Variants in FAR2 observed in about 807,000 individuals in gnomAD.
The protein encoded by FAR2 is fatty acyl-CoA reductase 2, also known as epididymis secretory protein Li 81.
FAR2 carries 19 observed loss-of-function variants against 56.0 expected under a neutral mutation model. The observed-to-expected ratio is 0.34, with a 90% CI of 0.24 to 0.50. FAR2 has a LOEUF of 0.50. Among genes scored for constraint, FAR2 ranks in the 20% least tolerant of loss-of-function variants. FAR2 has a pLI of 0.98. For missense variants in FAR2, 508 were observed against 642.2 expected (o/e 0.79, Z 2.26); for synonymous variants, 219 against 218.8 (o/e 1.00, Z -0.01).
chr12:29,170,369 T>G (rs1366564926), intron 1 of FAR2, among the ~76,000 whole-genome samples: 1 of 152,238 alleles, frequency 6.6e-6, no homozygotes, highest in Non-Finnish European at 1.5e-5. Flanking sequence ...TAAGGATTTT[T>G]GTTAGGAAGG....
At chr12:29,316,380 G>A (rs897666736) in intron 8 of FAR2, among the ~76,000 whole-genome samples, 7 of 152,170 alleles carry the variant, frequency 4.6e-5, no homozygotes, top group Non-Finnish European at 1.0e-4. Context: ...ATCTTGCCTT[G>A]AGAATCTTTA....
chr12:29,301,308 C>G (rs1949160935), intron 4 of FAR2, among the ~76,000 whole-genome samples: 1 of 152,138 alleles, frequency 6.6e-6, no homozygotes, highest in South Asian at 2.1e-4. Flanking sequence ...GCCCCTCATC[C>G]CAGCCACCGG....
chr12:29,258,416 AT>A (rs1313326661), intron 1 of FAR2, among the ~76,000 whole-genome samples: 2 of 152,104 alleles, frequency 1.3e-5, no homozygotes, highest in African/African-American at 2.4e-5. Flanking sequence ...ATATGTATAA[AT>A]TTTTTTCATT....
Position 29,203,339 on chromosome 12 carries a change from A to G in FAR2, c.-39+53932A>G, listed in dbSNP as rs140802445. On this transcript the variant is annotated intron_variant, in intron 1 of 11. Transcript: ENST00000536681. ...ACTGCTTTGCATTTATCGTTTTTGC[A>G]GGAAAGCGATTTATGCTGCACACCT... Among the ~76,000 whole-genome samples, 531 of 152,324 alleles carry G rather than the reference A, an allele frequency of 3.5e-3. 1 individual carries two copies. Among genetic ancestry groups the G allele is most frequent in the Non-Finnish European group, 6.1e-3 (414 of 68,020 alleles).
intron 6 of FAR2, among the ~76,000 whole-genome samples, chr12:29,310,630 A>G (rs925274770): frequency 6.6e-6 from 1 of 152,204 alleles, no homozygotes; most frequent in African/African-American, 2.4e-5. Flanking sequence ...CAAAATCATC[A>G]AGGAAATGGT....
At chr12:29,173,078 G>A (rs1949903816) in intron 1 of FAR2, among the ~76,000 whole-genome samples, 1 of 152,226 alleles carries the variant, frequency 6.6e-6, no homozygotes, top group Non-Finnish European at 1.5e-5. Flanking sequence ...ACAGTAGCAT[G>A]ACTTCTCTCC....
In FAR2 at chr12:29,220,772, G is replaced by A. The variant is rs576845576; in HGVS notation, c.-38-49640G>A. 1.1e-4 allele frequency among the ~76,000 whole-genome samples: 17 copies of A among 152,236 alleles called. No homozygotes were observed. In the South Asian group the frequency reaches 3.3e-3, roughly 30 times the overall value. On this transcript the variant is annotated intron_variant, in intron 1 of 11. Transcript: ENST00000536681. ...TTGACCAAGGGACAAAAGGCACAGT[G>A]AGAGTCCGAGGCAAGAGTGAACGTT...
intron 9 of FAR2, among the ~76,000 whole-genome samples, chr12:29,320,077 A>T (rs992089453): frequency 1.3e-4 from 20 of 152,254 alleles, no homozygotes; most frequent in African/African-American, 4.8e-4. Flanking sequence ...GCATGGTGGC[A>T]TGTGCCTGTA....
At chr12:29,291,647 T>G (rs7138160) in intron 2 of FAR2, among the ~76,000 whole-genome samples, 4,831 of 152,332 alleles carry the variant, frequency 0.032, 102 homozygotes, top group East Asian at 0.072. Context: ...TACATTTTAA[T>G]TATGCTACTA....
chr12:29,241,784 G>A lies in FAR2; in HGVS notation c.-38-28628G>A, dbSNP rs145229720. On this transcript the variant is annotated intron_variant, in intron 1 of 11. Transcript: ENST00000536681. The stretch of plus-strand genomic sequence containing the variant: ...AGCAGCAGGACTTGGGTTGCTTGCC[G>A]TTTTTCCTGCTTTTCATTTCCGAGG... 2.0e-3 allele frequency among the ~76,000 whole-genome samples: 311 copies of A among 152,320 alleles called. 3 individuals are homozygous for A. The highest frequency in any genetic ancestry group is 7.2e-3 in the African/African-American group (301 of 41,570).
chr12:29,193,434 G>A (rs1311332820), intron 1 of FAR2, among the ~76,000 whole-genome samples: 1 of 152,070 alleles, frequency 6.6e-6, no homozygotes, highest in Non-Finnish European at 1.5e-5. Flanking sequence ...AGCAACCACT[G>A]ATCATTTTTA....
intron 1 of FAR2, among the ~76,000 whole-genome samples, chr12:29,223,017 T>A (rs1279300989): frequency 1.3e-5 from 2 of 152,180 alleles, no homozygotes; most frequent in African/African-American, 4.8e-5. Context: ...ATTTGTAGTA[T>A]TTATATTGTG....
chr12:29,251,486 G>T (rs1239034602), intron 1 of FAR2, among the ~76,000 whole-genome samples: 1 of 152,148 alleles, frequency 6.6e-6, no homozygotes. Flanking sequence ...CCTCCACTCA[G>T]AATAGGAGGT....
intron 2 of FAR2, 196 bp from the exon 3 acceptor site, chr12:29,293,104 T>C (rs1948999523): frequency 2.4e-6 from 1 of 414,820 alleles, no homozygotes; most frequent in Non-Finnish European, 4.3e-6. Flanking sequence ...TGGGCTCAAG[T>C]GATCTCCCTG....
intron 1 of FAR2, among the ~76,000 whole-genome samples, chr12:29,155,262 T>A (rs889719293): frequency 1.3e-5 from 2 of 152,212 alleles, no homozygotes; most frequent in African/African-American, 4.8e-5. Context: ...CCTTATCTGA[T>A]CTTTGTAAGC....
At chr12:29,189,107 C>T (rs907272454) in intron 1 of FAR2, among the ~76,000 whole-genome samples, 4 of 152,088 alleles carry the variant, frequency 2.6e-5, no homozygotes, top group Admixed American at 2.0e-4. Context: ...ACCCAACCTT[C>T]AAGGAGAAGG....
intron 2 of FAR2, chr12:29,292,168 A>G (rs563157246): frequency 2.4e-4 from 36 of 152,334 alleles, no homozygotes; most frequent in African/African-American, 7.9e-4. Context: ...TGTCTTTTAA[A>G]GTCATAAAAA....
chr12:29,201,987 C>A (rs1277978320), intron 1 of FAR2, among the ~76,000 whole-genome samples: 1 of 152,008 alleles, frequency 6.6e-6, no homozygotes, highest in African/African-American at 2.4e-5. Context: ...TAAGTGAGTT[C>A]CTCTGCAATA....
intron 1 of FAR2, among the ~76,000 whole-genome samples, chr12:29,243,808 G>A (rs530135403): frequency 6.6e-6 from 1 of 152,272 alleles, no homozygotes; most frequent in African/African-American, 2.4e-5. Flanking sequence ...TTAACATCAT[G>A]TTGAGTTCAG....
Sources: gnomAD v4.1 joint callset for allele counts (sites outside exome capture counted in the v4.1 genomes callset) on GRCh38, gnomAD v4.1.1 for gene constraint, MANE v1.5 for transcripts, NCBI Gene and HGNC (gene_info 2026-07-23, HGNC 2026-07-21) for gene names.